ZNF131: variants seen among roughly 807,000 people sequenced by gnomAD.
ZNF131 encodes the protein zinc finger and BTB domain containing 35.
A neutral mutation model predicts 60.0 loss-of-function variants in ZNF131; 7 were observed. That is an observed-to-expected ratio of 0.12 (90% CI 0.07 to 0.22). The LOEUF is 0.22. Among genes scored for constraint, ZNF131 ranks in the 10% least tolerant of loss-of-function variants. The probability of loss-of-function intolerance (pLI) is 1.00; values close to 1 mark genes in which losing one functional copy is unlikely to be tolerated. For synonymous variants in ZNF131, 257 were observed against 253.2 expected, an observed-to-expected ratio of 1.01 and a Z score of -0.14; for missense variants, 493 against 740.9, an observed-to-expected ratio of 0.67 and a Z score of 3.88.
intron 6 of ZNF131, among the ~76,000 whole-genome samples, chr5:43,174,044 G>T (rs193147319): frequency 6.6e-6 from 1 of 152,078 alleles, no homozygotes; most frequent in South Asian, 2.1e-4. Flanking sequence ...GCTGGCTAAC[G>T]TGCTGAAACC....
intron 4 of ZNF131, among the ~76,000 whole-genome samples, chr5:43,159,356 T>TCCA (rs1313033487): frequency 2.0e-5 from 3 of 152,096 alleles, no homozygotes; most frequent in Non-Finnish European, 2.9e-5. Flanking sequence ...TGTCGTCTTT[T>TCCA]ACTGAGTTTA....
At chr5:43,160,950 C>T (rs141920925) in intron 4 of ZNF131, among the ~76,000 whole-genome samples, 1 of 151,972 alleles carries the variant, frequency 6.6e-6, no homozygotes, top group Non-Finnish European at 1.5e-5. Context: ...CAAAGTGTTG[C>T]GATTACAGGC....
At chr5:43,123,893 A>C (rs989836553) in intron 3 of ZNF131, 22 of 152,118 alleles carry the variant, frequency 1.4e-4, no homozygotes, top group African/African-American at 5.1e-4. Context: ...CTTTCTAGAC[A>C]TTTTTCTAAT....
rs35596507 is a variant in ZNF131 at position 43,153,463 on chromosome 5, TAAAAAAAAAAAA to T, written c.372-7771_372-7760del. On this transcript the variant is annotated intron_variant, in intron 4 of 6. Coordinates refer to ENST00000682664, the MANE Select transcript of ZNF131 (RefSeq NM_001330707.2). ...CAACATGGTGAACTCCCATCTCTAC[TAAAAAAAAAAAA>T]AAAAAAAAAAAAAAGCAAAATTAGC... 2.0e-4 allele frequency among the ~76,000 whole-genome samples: 12 copies of T among 61,164 alleles called. No individual in the cohort carries two copies. The East Asian group carries it at 7.6e-3, about 39-fold the overall frequency. 40.1% of individuals were successfully genotyped at this position (61,164 alleles called of 152,430 possible).
chr5:43,128,127 T>A (rs1246904904), intron 3 of ZNF131, among the ~76,000 whole-genome samples: 1 of 152,250 alleles, frequency 6.6e-6, no homozygotes, highest in Non-Finnish European at 1.5e-5. Context: ...TTGTTCACTT[T>A]AACATTTTCC....
intron 5 of ZNF131, among the ~76,000 whole-genome samples, chr5:43,163,492 C>G (rs146744378): frequency 0.04 from 6,101 of 152,308 alleles, 191 homozygotes; most frequent in Non-Finnish European, 0.062. Flanking sequence ...GGGCCTCGCC[C>G]CACATAGTTC....
rs892855606 is a variant in ZNF131, at chr5:43,123,379, A to G, written c.226+69A>G. 3.0e-5 allele frequency: 40 copies of G among 1,338,242 alleles called. No individual in the cohort carries two copies. The African/African-American group carries it at 5.1e-4, about 17-fold the overall frequency. 82.9% of individuals were successfully genotyped at this position (1,338,242 alleles called of 1,614,324 possible). A position where few individuals can be genotyped will look rare whatever the true frequency, so the allele number is the denominator to read the frequency against. On this transcript the variant is annotated intron_variant, in intron 3 of 6. Coordinates refer to ENST00000682664, the MANE Select transcript of ZNF131 (RefSeq NM_001330707.2). ...CCATTTTATTTAAATGCTTGTTTTA[A>G]ATACAATACTTAGCAAACAATTGGT...
At chr5:43,162,946 T>C (rs1166122966) in intron 5 of ZNF131, among the ~76,000 whole-genome samples, 2 of 110,068 alleles carry the variant, frequency 1.8e-5, no homozygotes, top group Non-Finnish European at 4.4e-5. Context: ...CTGACATGTT[T>C]ATACTTCTTT....
intron 3 of ZNF131, among the ~76,000 whole-genome samples, chr5:43,135,687 C>T (rs1482339267): frequency 6.6e-6 from 1 of 152,054 alleles, no homozygotes; most frequent in Non-Finnish European, 1.5e-5. Context: ...CACCACTGCA[C>T]TCGAGCCTGG....
chr5:43,121,902 C>A, intron 1 of ZNF131, 137 bp from the exon 2 acceptor site: 1 of 981,024 alleles, frequency 1.0e-6, no homozygotes, highest in Non-Finnish European at 1.4e-6. Flanking sequence ...TTTCTTCCCT[C>A]GCCTTTCTCT....
chr5:43,175,162 A>T lies in ZNF131; in HGVS notation c.*29A>T. The T allele has an allele frequency of 6.4e-7, 1 of 1,558,232 alleles. No individual in the cohort carries two copies. ...TACACATGAATATATTTTTAAATTT[A>T]CTTGTTGGGTTTTTGAACTGATTAT... is the stretch of plus-strand genomic sequence containing the variant. On this transcript the variant is annotated 3_prime_UTR_variant, in exon 7 of 7. Transcript: ENST00000682664.
chr5:43,125,637 G>C (rs1022752644), intron 3 of ZNF131, among the ~76,000 whole-genome samples: 4 of 151,720 alleles, frequency 2.6e-5, no homozygotes, highest in African/African-American at 9.7e-5. Flanking sequence ...AAAATTAGCC[G>C]GGCGTGGTGG....
Position 43,174,763 on chromosome 5 carries a change from A to G in ZNF131, c.1502A>G (p.Asp501Gly). 1 of 1,614,176 alleles carries G rather than the reference A, an allele frequency of 6.2e-7. No homozygotes were observed. Among genetic ancestry groups the G allele is most frequent in the Non-Finnish European group, 8.5e-7 (1 of 1,180,040 alleles). The change falls in exon 7 of 7, where the codon GAT becomes GGT. Residue 501 changes from aspartate to glycine, a missense_variant. Coordinates refer to ENST00000682664, the MANE Select transcript of ZNF131 (RefSeq NM_001330707.2). ...AQVTVEQVHP[D>G]LLQDSQVHDS... ...GTGACTGTGGAACAAGTCCATCCAG[A>G]TCTGCTCCAGGACAGCCAGGTGCAC...
At position 43,156,039 on chromosome 5, in the gene ZNF131, G is replaced by A. The variant is rs138822313; in HGVS notation, c.372-5210G>A. Among the ~76,000 whole-genome samples, 325 of 152,324 alleles carry A rather than the reference G, an allele frequency of 2.1e-3. 2 individuals are homozygous for A. The highest frequency in any genetic ancestry group is 7.4e-3 in the African/African-American group (307 of 41,576). On this transcript the variant is annotated intron_variant, in intron 4 of 6. Coordinates refer to ENST00000682664, the MANE Select transcript of ZNF131 (RefSeq NM_001330707.2). ...TGTCAGGGAGGTTTGCAGGTTTGCT[G>A]CACTGTTCTGTTAGCTTTTCTTCCC...
Position 43,174,555 on chromosome 5 carries a change from G to A in ZNF131, c.1294G>A (p.Gly432Arg). The A allele has an allele frequency of 6.2e-7, 1 of 1,606,836 alleles. No individual in the cohort carries two copies. The highest frequency in any genetic ancestry group is 8.5e-7 in the Non-Finnish European group (1 of 1,176,106). Residue 432 changes from glycine (G) to arginine (R), a missense_variant, in exon 7 of 7, where the codon GGA becomes AGA. Coordinates refer to ENST00000682664, the MANE Select transcript of ZNF131 (RefSeq NM_001330707.2). The stretch of plus-strand genomic sequence containing the variant: ...TTTATGTGATTTGTGGTTTATGCAA[G>A]GAAATGAATTAAGGAGGCATCTCAG... ...CTLCDLWFMQ[G>R]NELRRHLSDA...
chr5:43,162,940 CATG>C (rs1749901211), intron 5 of ZNF131, among the ~76,000 whole-genome samples: 10 of 113,798 alleles, frequency 8.8e-5, no homozygotes, highest in Non-Finnish European at 1.3e-4. Flanking sequence ...CAATCCCTGA[CATG>C]TTTATACTTC....
chr5:43,126,286 T>C (rs1744538751), intron 3 of ZNF131, among the ~76,000 whole-genome samples: 1 of 152,222 alleles, frequency 6.6e-6, no homozygotes, highest in African/African-American at 2.4e-5. Context: ...GGTTTTTTGG[T>C]TTCACTTTAG....
chr5:43,143,053 T>G, intron 4 of ZNF131, among the ~76,000 whole-genome samples: 1 of 147,420 alleles, frequency 6.8e-6, no homozygotes, highest in Non-Finnish European at 1.5e-5. Flanking sequence ...GAAGACAGAG[T>G]CTCACTGTTA....
At chr5:43,166,628 G>A (rs968718351) in intron 5 of ZNF131, among the ~76,000 whole-genome samples, 2 of 150,770 alleles carry the variant, frequency 1.3e-5, no homozygotes, top group African/African-American at 2.4e-5. Flanking sequence ...CCAAAGTGCT[G>A]GATTACAGGC....
Sources: allele counts gnomAD v4.1 joint callset (sites outside exome capture counted in the v4.1 genomes callset), GRCh38; gene constraint gnomAD v4.1.1; transcripts MANE v1.5; gene names NCBI Gene and HGNC (gene_info 2026-07-23, HGNC 2026-07-21).